The following CHTF18 variants were observed in gnomAD, a reference collection of about 807,000 sequenced individuals.
CHTF18 encodes the protein chromosome transmission fidelity factor 18.
Under a neutral mutation model 113.4 loss-of-function variants are expected in CHTF18, and 151 were observed. The observed-to-expected ratio is 1.33, with a 90% CI of 1.17 to 1.52. The LOEUF is 1.52. Among genes scored for constraint, CHTF18 ranks in the 40% most tolerant of loss-of-function variants. The pLI is 0.00. For missense variants in CHTF18, 1,982 were observed against 1,381.6 expected, an observed-to-expected ratio of 1.43 and a Z score of -6.89; for synonymous variants, 916 against 598.8, an observed-to-expected ratio of 1.53 and a Z score of -7.74.
At chr16:791,509 G>A in intron 8 of CHTF18, 139 bp downstream of exon 8, 1 of 1,441,470 alleles carries the variant, frequency 6.9e-7, no homozygotes, top group South Asian at 1.5e-5. Flanking sequence ...CCATTAGCGT[G>A]AGTTAGAACT....
intron 15 of CHTF18, 100 bp from the exon 16 acceptor site, chr16:795,032 G>T (rs1441943602): frequency 2.5e-5 from 24 of 966,814 alleles, no homozygotes; most frequent in Non-Finnish European, 3.4e-5. Context: ...GGGGCAGGCG[G>T]CAGGCAGGAG....
chr16:791,525 G>C, intron 8 of CHTF18, 155 bp downstream of exon 8: 1 of 1,436,310 alleles, frequency 7.0e-7, no homozygotes, highest in Non-Finnish European at 9.1e-7. Context: ...GAACTGGAGC[G>C]TTGCAGTAAC....
chr16:794,804 C>T, intron 15 of CHTF18: 1 of 375,476 alleles, frequency 2.7e-6, no homozygotes, highest in Non-Finnish European at 4.9e-6. Flanking sequence ...TAAGGAGGGG[C>T]TGAGTGAGGC....
intron 10 of CHTF18, 30 bp downstream of exon 10, chr16:792,377 T>C: frequency 1.9e-6 from 3 of 1,560,436 alleles, no homozygotes; most frequent in Non-Finnish European, 2.6e-6. Context: ...GGTAGGTGGG[T>C]GGGCGGGCAG....
rs752460580 is a variant in CHTF18, at chr16:789,585, C to T, written c.476C>T (p.Ala159Val). ...EAAADVGLTR[A>V]SPAARNPVLR... ...GCTGCCGACGTGGGTCTCACACGGG[C>T]CTCACCAGCTGCCCGCAATCCCGTC... Residue 159 changes from alanine (A) to valine (V), a missense_variant, in exon 4 of 22, where the codon GCC becomes GTC. Physicochemically the swap from Ala to Val is moderately conservative, Grantham distance 64. Coordinates refer to ENST00000262315, the MANE Select transcript of CHTF18 (RefSeq NM_022092.3). The T allele has an allele frequency of 4.4e-6, 7 of 1,607,476 alleles. No individual in the cohort carries two copies. The highest frequency in any genetic ancestry group is 2.2e-5 in the South Asian group (2 of 90,672).
chr16:791,525 G>T, intron 8 of CHTF18, 155 bp downstream of exon 8: 1 of 1,436,310 alleles, frequency 7.0e-7, no homozygotes, highest in Non-Finnish European at 9.1e-7. Flanking sequence ...GAACTGGAGC[G>T]TTGCAGTAAC....
At position 792,983 on chromosome 16, in the gene CHTF18, C is replaced by T; in HGVS notation, c.1590C>T (p.Gly530=). The T allele has an allele frequency of 6.4e-7, 1 of 1,559,014 alleles. No homozygotes were observed. The highest frequency in any genetic ancestry group is 8.7e-7 in the Non-Finnish European group (1 of 1,152,164). Residue 530 remains glycine, a synonymous_variant, in exon 13 of 22, where the codon GGC becomes GGT. Coordinates refer to ENST00000262315, the MANE Select transcript of CHTF18 (RefSeq NM_022092.3). The part of the protein sequence containing the change: ...QRLQEVSLRQ[G]MRADPGVLAA... ...TCCACCAGGTCTCCCTGCGGCAGGG[C>T]ATGAGGGCCGACCCAGGGGTGCTGG...
Position 792,473 on chromosome 16 carries a change from G to A in CHTF18, c.1361G>A (p.Arg454His), listed in dbSNP as rs367668664. Residue 454 changes from arginine to histidine, a missense_variant, in exon 11 of 22, where the codon CGC becomes CAC. By Grantham distance (29) the Arg-to-His change is conservative. Transcript: ENST00000262315. ...AINVLLSILN[R>H]KGPQEVGPQG... ...AACGTCCTCCTGAGCATCCTGAACC[G>A]CAAGGGGCCACAGGAGGTGGGGCCA... is the stretch of plus-strand genomic sequence containing the variant. 2.7e-5 allele frequency: 43 copies of A among 1,581,016 alleles called. No homozygotes were observed. The African/African-American group carries it at 3.9e-4, about 14-fold the overall frequency.
chr16:796,290 C>T (rs920417980), intron 18 of CHTF18, among the ~76,000 whole-genome samples: 1 of 152,254 alleles, frequency 6.6e-6, no homozygotes, highest in Non-Finnish European at 1.5e-5. Context: ...TGCTGCAGAG[C>T]TGCTCCCAGC....
At position 789,778 on chromosome 16, in the gene CHTF18, G is replaced by C. The variant is rs2042123385; in HGVS notation, c.606+63G>C. 2.0e-6 allele frequency: 3 copies of C among 1,483,674 alleles called. No homozygotes were observed. In the Admixed American group the frequency reaches 6.5e-5, roughly 32 times the overall value. The allele number at this position is 1,483,674 out of a possible 1,614,324, so 91.9% of individuals were successfully genotyped here. On this transcript the variant is annotated intron_variant, in intron 4 of 21. Coordinates refer to ENST00000262315, the MANE Select transcript of CHTF18 (RefSeq NM_022092.3). ...AGTGCTGCTCAGGAAAGGGTCCTTG[G>C]AGCCCCTCACCCCTGCCATTTGCTT...
At chr16:795,012 G>A (rs901369848) in intron 15 of CHTF18, 120 bp from the exon 16 acceptor site, 5 of 808,280 alleles carry the variant, frequency 6.2e-6, no homozygotes, top group South Asian at 3.5e-5. Flanking sequence ...GAGGGTCTGC[G>A]AAGCCTCGTG....
In CHTF18 at chr16:790,359, C is replaced by T. The variant is rs563011261; in HGVS notation, c.712C>T (p.Leu238=). Residue 238 remains leucine, a synonymous_variant, in exon 6 of 22, where the codon CTG becomes TTG. Transcript: ENST00000262315. Reference sequence around the variant, plus strand: ...GTTGTTTGCACAGCGGCGGGAGCGGCTGCTTCAGGAGGCCCAGAAGCTTTC... The same window carrying T: ...GTTGTTTGCACAGCGGCGGGAGCGGTTGCTTCAGGAGGCCCAGAAGCTTTC... ...KQVDGERRER[L]LQEAQKLSDT... The T allele has an allele frequency of 1.2e-5, 19 of 1,611,310 alleles. No homozygotes were observed. Among genetic ancestry groups the T allele is most frequent in the East Asian group, 8.9e-5 (4 of 44,754 alleles).
rs751978049 is a variant in CHTF18 at position 796,700 on chromosome 16, C to A, written c.2457-17C>A. 1.9e-6 allele frequency: 3 copies of A among 1,588,320 alleles called. No individual in the cohort carries two copies. Among genetic ancestry groups the A allele is most frequent in the East Asian group, 2.2e-5 (1 of 44,562 alleles). ...TGGCCCCGCTGACCTGCCCTGGTGT[C>A]CCCCTGTGCTGAGCAGGAACGTGGA... On this transcript the variant is annotated splice_polypyrimidine_tract_variant and intron_variant, in intron 18 of 21. Transcript: ENST00000262315.
chr16:797,789 G>T, intron 21 of CHTF18, 38 bp downstream of exon 21: 1 of 1,585,920 alleles, frequency 6.3e-7, no homozygotes, highest in Non-Finnish European at 8.6e-7. Flanking sequence ...GGGGGGCCTG[G>T]GGGTTGTGGG....
Position 796,756 on chromosome 16 carries a change from C to T in CHTF18, c.2496C>T (p.Ala832=), listed in dbSNP as rs367816882. Residue 832 remains alanine, a synonymous_variant, in exon 19 of 22, where the codon GCC becomes GCT. Coordinates refer to ENST00000262315, the MANE Select transcript of CHTF18 (RefSeq NM_022092.3). The part of the protein sequence containing the change: ...EELCRFPELP[A]RKPLTYQTKQ... ...TCTGCCGCTTCCCTGAGCTGCCTGC[C>T]CGCAAGCCCCTCACCTACCAGACGA... is the stretch of plus-strand genomic sequence containing the variant. 34 of 1,607,124 alleles carry T rather than the reference C, an allele frequency of 2.1e-5. No individual in the cohort carries two copies. Among genetic ancestry groups the T allele is most frequent in the Middle Eastern group, 3.3e-4 (2 of 6,078 alleles).
At chr16:796,642 T>C in intron 18 of CHTF18, 75 bp from the exon 19 acceptor site, 1 of 1,458,384 alleles carries the variant, frequency 6.9e-7, no homozygotes, top group South Asian at 1.4e-5. Context: ...GGGTTTGCGG[T>C]TGGAGTGCCC....
chr16:791,463 G>A (rs921995203), intron 8 of CHTF18, 93 bp downstream of exon 8: 14 of 1,469,812 alleles, frequency 9.5e-6, no homozygotes, highest in African/African-American at 2.8e-5. Context: ...TCCAGGAGCC[G>A]TGGGTGTGGT....
intron 7 of CHTF18, chr16:790,930 C>T (rs1165680470): frequency 1.4e-6 from 2 of 1,433,292 alleles, no homozygotes; most frequent in Non-Finnish European, 1.8e-6. Context: ...GCAGCTGACA[C>T]TGGAGTGCCC....
Position 792,474 on chromosome 16 carries a change from C to A in CHTF18, c.1362C>A (p.Arg454=). The change falls in exon 11 of 22, where the codon CGC becomes CGA. Residue 454 remains arginine, a synonymous_variant. Transcript: ENST00000262315. ...AINVLLSILN[R]KGPQEVGPQG... ...ACGTCCTCCTGAGCATCCTGAACCG[C>A]AAGGGGCCACAGGAGGTGGGGCCAC... The A allele has an allele frequency of 6.3e-7, 1 of 1,582,742 alleles. No homozygotes were observed. The highest frequency in any genetic ancestry group is 8.6e-7 in the Non-Finnish European group (1 of 1,164,930).
Sources: gnomAD v4.1 joint callset for allele counts (sites outside exome capture counted in the v4.1 genomes callset) on GRCh38, gnomAD v4.1.1 for gene constraint, MANE v1.5 for transcripts, NCBI Gene and HGNC (gene_info 2026-07-23, HGNC 2026-07-21) for gene names.